TG: variants seen among roughly 807,000 people sequenced by gnomAD.
The protein encoded by TG is thyroid hormones.
In TG, 270 loss-of-function variants were observed where a neutral mutation model predicts 324.7. That is an observed-to-expected ratio of 0.83 (90% CI 0.75 to 0.92). TG has a LOEUF of 0.92. Ranked by LOEUF, TG falls within the 40% of genes least tolerant of loss-of-function variation. The pLI is 0.00. For synonymous variants in TG, 1,401 were observed against 1,327.0 expected, an observed-to-expected ratio of 1.06 and a Z score of -1.21; for missense variants, 3,591 against 3,456.4, an observed-to-expected ratio of 1.04 and a Z score of -0.98.
intron 41 of TG, among the ~76,000 whole-genome samples, chr8:133,070,976 TG>T (rs1843918327): frequency 1.3e-5 from 2 of 152,378 alleles, no homozygotes; most frequent in Admixed American, 6.5e-5. Flanking sequence ...CTGCACTTTC[TG>T]TCTTTAGAAC....
chr8:132,897,615 G>C, intron 11 of TG, 34 bp from the exon 12 acceptor site: 1 of 1,613,838 alleles, frequency 6.2e-7, no homozygotes, highest in Non-Finnish European at 8.5e-7. Flanking sequence ...AGAGCAGGTG[G>C]TCATATTCTG....
Position 132,886,626 on chromosome 8 carries a change from CT to C in TG, c.1255del (p.Ser419LeufsTer60). 5 of 1,614,182 alleles carry C rather than the reference CT, an allele frequency of 3.1e-6. No individual in the cohort carries two copies. The highest frequency in any genetic ancestry group is 4.2e-6 in the Non-Finnish European group (5 of 1,180,046). ...PPTIKELFVD[S>X]GLLRPMVEGQ... ...CCACGATCAAGGAGCTCTTTGTGGA[CT>C]CTGGGCTTCTCCGCCCAATGGTGGA... On this transcript the variant is annotated frameshift_variant, in exon 9 of 48. Transcript: ENST00000220616. LOFTEE classifies it high-confidence loss of function.
intron 41 of TG, chr8:133,045,014 A>G (rs1393420993): frequency 8.7e-6 from 14 of 1,613,982 alleles, no homozygotes. Context: ...TCCTCCAGGC[A>G]CTGGAAGGTG....
At chr8:133,094,692 T>C in intron 41 of TG, 2 of 373,942 alleles carry the variant, frequency 5.3e-6, no homozygotes, top group South Asian at 4.5e-5. Context: ...TTTGCAGAGT[T>C]CTCTTCCCAG....
rs372143174 is a variant in TG at position 132,893,945 on chromosome 8, T to G, written c.3001+16T>G. 4.3e-6 allele frequency: 7 copies of G among 1,614,014 alleles called. No homozygotes were observed. The African/African-American group carries it at 9.3e-5, about 22-fold the overall frequency. ...GCTCAGTCTAGTGAGTGTGGTGCCCTTCAGCTTTCTTACTGCATCGCTTTG... is the reference window on the plus strand; with the variant it reads ...GCTCAGTCTAGTGAGTGTGGTGCCCGTCAGCTTTCTTACTGCATCGCTTTG... On this transcript the variant is annotated intron_variant, in intron 11 of 47. Transcript: ENST00000220616.
chr8:132,951,195 TTG>T (rs1437709888), intron 27 of TG, among the ~76,000 whole-genome samples: 1 of 152,230 alleles, frequency 6.6e-6, no homozygotes, highest in Non-Finnish European at 1.5e-5. Flanking sequence ...AAAAACTGAA[TTG>T]TGTTTCATTA....
At chr8:133,039,031 C>T (rs1190001267) in intron 41 of TG, among the ~76,000 whole-genome samples, 1 of 152,150 alleles carries the variant, frequency 6.6e-6, no homozygotes, top group East Asian at 1.9e-4. Context: ...CCATCCACCA[C>T]CACGCCCAGC....
chr8:133,126,640 T>C (rs79405156), intron 45 of TG, among the ~76,000 whole-genome samples: 1,722 of 152,224 alleles, frequency 0.011, 13 homozygotes, highest in Admixed American at 0.023. Flanking sequence ...GCATAGCAAA[T>C]TCTCTTGTAA....
chr8:132,934,009 C>T (rs905017960), intron 24 of TG, among the ~76,000 whole-genome samples: 18 of 152,124 alleles, frequency 1.2e-4, no homozygotes, highest in Admixed American at 1.0e-3. Context: ...GTCCCAGACC[C>T]GAATATGCCT....
chr8:132,887,047 C>T lies in TG; in HGVS notation c.1675C>T (p.Gln559Ter). 2 of 1,614,202 alleles carry T rather than the reference C, an allele frequency of 1.2e-6. No individual in the cohort carries two copies. The highest frequency in any genetic ancestry group is 1.7e-6 in the Non-Finnish European group (2 of 1,180,040). Residue 559 changes from glutamine to a stop codon, truncating the protein, a stop_gained, in exon 9 of 48, where the codon CAA becomes TAA. Transcript: ENST00000220616. LOFTEE classifies it high-confidence loss of function. ...CAGCTTTGGCTTTGAAATTAACCTACAAGAGAACCAAAATGCCCTCAAATT... is the reference window on the plus strand; with the variant it reads ...CAGCTTTGGCTTTGAAATTAACCTATAAGAGAACCAAAATGCCCTCAAATT... ...VGSFGFEINL[Q>*]ENQNALKFLA...
rs919226985 is a variant in TG at position 132,911,433 on chromosome 8, G to A, written c.4059G>A (p.Gln1353=). 7 of 1,614,100 alleles carry A rather than the reference G, an allele frequency of 4.3e-6. No individual in the cohort carries two copies. Among genetic ancestry groups the A allele is most frequent in the Non-Finnish European group, 5.1e-6 (6 of 1,180,054 alleles). ...CTGTCTGCAACAACTCCTCTGTGCAGGTGGGTTGTCTGACCAGGGAGCGTT... is the reference window on the plus strand; with the variant it reads ...CTGTCTGCAACAACTCCTCTGTGCAAGTGGGTTGTCTGACCAGGGAGCGTT... ...SIPVCNNSSV[Q]VGCLTRERLG... is the part of the protein sequence containing the mutation. Residue 1353 remains glutamine, a synonymous_variant, in exon 19 of 48, where the codon CAG becomes CAA. Transcript: ENST00000220616.
intron 26 of TG, among the ~76,000 whole-genome samples, chr8:132,943,385 C>T (rs1457446071): frequency 6.6e-6 from 1 of 152,158 alleles, no homozygotes; most frequent in African/African-American, 2.4e-5. Context: ...GAGGCCTCAC[C>T]AGCAGTAGAT....
At chr8:132,960,516 T>C (rs1246367359) in intron 27 of TG, among the ~76,000 whole-genome samples, 1 of 152,176 alleles carries the variant, frequency 6.6e-6, no homozygotes, top group Non-Finnish European at 1.5e-5. Context: ...TCGGATAATA[T>C]TATTAATCGG....
At chr8:133,093,166 C>T (rs1315193904) in intron 41 of TG, among the ~76,000 whole-genome samples, 2 of 141,778 alleles carry the variant, frequency 1.4e-5, no homozygotes, top group Non-Finnish European at 2.9e-5. Flanking sequence ...TAAAGTACAT[C>T]CAATGGTTCT....
intron 42 of TG, 66 bp downstream of exon 42, chr8:133,095,274 C>A: frequency 1.9e-6 from 3 of 1,611,230 alleles, no homozygotes; most frequent in South Asian, 1.1e-5. Flanking sequence ...AAATGAAGAC[C>A]TAGGAAGGAG....
rs1195552196 is a variant in TG, at chr8:132,895,951, G to A, written c.3002-1698G>A. Among the ~76,000 whole-genome samples, 3 of 152,248 alleles carry A rather than the reference G, an allele frequency of 2.0e-5. No homozygotes were observed. In the East Asian group the frequency reaches 5.8e-4, roughly 29 times the overall value. On this transcript the variant is annotated intron_variant, in intron 11 of 47. Transcript: ENST00000220616. ...CATGTCTGAGCTTGTAGAGGAAAGA[G>A]GAAGGGACCATAGAGGACCAGGCCT...
At chr8:133,130,304 C>T (rs759932582) in intron 45 of TG, among the ~76,000 whole-genome samples, 3 of 152,174 alleles carry the variant, frequency 2.0e-5, no homozygotes, top group African/African-American at 2.4e-5. Flanking sequence ...GTTATACCCC[C>T]GCAAAATGTC....
At chr8:133,046,910 TG>T (rs1487832473) in intron 41 of TG, among the ~76,000 whole-genome samples, 14 of 152,338 alleles carry the variant, frequency 9.2e-5, no homozygotes, top group Middle Eastern at 3.4e-3. Flanking sequence ...ATTAGGTGCA[TG>T]GGAAGTACTC....
At chr8:132,974,308 A>G (rs957481789) in intron 34 of TG, among the ~76,000 whole-genome samples, 2 of 151,936 alleles carry the variant, frequency 1.3e-5, no homozygotes, top group Non-Finnish European at 2.9e-5. Flanking sequence ...TCTTTATTTC[A>G]CCCAATATAA....
Sources: gnomAD v4.1 joint callset for allele counts (sites outside exome capture counted in the v4.1 genomes callset) on GRCh38, gnomAD v4.1.1 for gene constraint, MANE v1.5 for transcripts, NCBI Gene and HGNC (gene_info 2026-07-23, HGNC 2026-07-21) for gene names.